The following CDH18 variants were observed in gnomAD, a reference collection of about 807,000 sequenced individuals.
CDH18 encodes cadherin-18.
CDH18 carries 31 observed loss-of-function variants against 67.9 expected under a neutral mutation model. The observed-to-expected ratio is 0.46, with a 90% CI of 0.34 to 0.62. The LOEUF is 0.62. Ranked by LOEUF, CDH18 falls within the 20% of genes least tolerant of loss-of-function variation. The pLI is 0.01. For missense variants in CDH18, 890 were observed against 975.5 expected (o/e 0.91, Z 1.17); for synonymous variants, 362 against 347.2 (o/e 1.04, Z -0.48).
intron 4 of CDH18, among the ~76,000 whole-genome samples, chr5:19,725,885 A>C (rs927566843): frequency 6.6e-6 from 1 of 152,236 alleles, no homozygotes; most frequent in Non-Finnish European, 1.5e-5. Flanking sequence ...ACAGTAGAAT[A>C]AGGACCATTA....
rs568490950 is a variant in CDH18, at chr5:20,568,801, G to A, written c.-580+6661C>T. 2.0e-4 allele frequency among the ~76,000 whole-genome samples: 30 copies of A among 152,192 alleles called. 2 individuals carry two copies. The South Asian group carries it at 6.0e-3, about 31-fold the overall frequency. On this transcript the variant is annotated intron_variant, in intron 1 of 14. Coordinates refer to the CDH18 transcript ENST00000507958. ...CATTTGTCTGTGTATTGTTTCAAGAGTCCTTCCAAAATGTAATTAGTTTGT... is the reference window on the plus strand; with the variant it reads ...CATTTGTCTGTGTATTGTTTCAAGAATCCTTCCAAAATGTAATTAGTTTGT...
rs796891496 is a variant in CDH18, at chr5:19,608,913, G to C, written c.811+3521C>G. On this transcript the variant is annotated intron_variant, in intron 6 of 12. Coordinates refer to ENST00000382275, the MANE Select transcript of CDH18 (RefSeq NM_004934.5). The stretch of plus-strand genomic sequence containing the variant: ...TTACTAGATGACTTATCTTACAAGA[G>C]CAATCCTCAATACAACAATATAATT... Among the ~76,000 whole-genome samples, 4 of 151,836 alleles carry C rather than the reference G, an allele frequency of 2.6e-5. No individual in the cohort carries two copies. In the South Asian group the frequency reaches 6.2e-4, roughly 24 times the overall value.
At chr5:19,933,247 T>A (rs1483747707) in intron 2 of CDH18, among the ~76,000 whole-genome samples, 1 of 151,452 alleles carries the variant, frequency 6.6e-6, no homozygotes, top group Admixed American at 6.6e-5. Flanking sequence ...GCCCACCTAC[T>A]TACACCTCCT....
At chr5:20,187,938 C>G (rs75789609) in intron 2 of CDH18, among the ~76,000 whole-genome samples, 528 of 151,670 alleles carry the variant, frequency 3.5e-3, no homozygotes, top group Non-Finnish European at 5.7e-3. Flanking sequence ...AATTAGAATA[C>G]AGAATTTCTA....
intron 1 of CDH18, among the ~76,000 whole-genome samples, chr5:20,500,182 C>A (rs1158395717): frequency 6.6e-6 from 1 of 152,110 alleles, no homozygotes; most frequent in Admixed American, 6.6e-5. Context: ...AAAATGCCTT[C>A]TTTTCTACAG....
intron 2 of CDH18, among the ~76,000 whole-genome samples, chr5:20,243,861 A>AG (rs1743176461): frequency 6.6e-6 from 1 of 152,110 alleles, no homozygotes; most frequent in South Asian, 2.1e-4. Context: ...CCTCCACTTC[A>AG]GTCCCACCAC....
At chr5:19,583,667 T>C (rs535169536) in intron 7 of CDH18, among the ~76,000 whole-genome samples, 1 of 152,098 alleles carries the variant, frequency 6.6e-6, no homozygotes, top group Non-Finnish European at 1.5e-5. Context: ...TATTAGATAG[T>C]AGTTATTATT....
rs575203363 is a variant in CDH18 at position 19,503,303 on chromosome 5, T to C, written c.1513-194A>G. ...GCATTAGATTTTAGGAAAAACACAG[T>C]ATATAATTTCTAAACATTCATCACA... On this transcript the variant is annotated intron_variant, in intron 10 of 12. Coordinates refer to ENST00000382275, the MANE Select transcript of CDH18 (RefSeq NM_004934.5). 3.3e-5 allele frequency among the ~76,000 whole-genome samples: 5 copies of C among 152,250 alleles called. No individual in the cohort carries two copies. The South Asian group carries it at 1.0e-3, about 32-fold the overall frequency.
At chr5:20,056,875 C>T (rs1452832137) in intron 2 of CDH18, among the ~76,000 whole-genome samples, 1 of 150,686 alleles carries the variant, frequency 6.6e-6, no homozygotes, top group African/African-American at 2.4e-5. Context: ...TTAGTGGAGA[C>T]GGGTTTTCAC....
chr5:19,862,101 T>A (rs1300798066), intron 2 of CDH18, among the ~76,000 whole-genome samples: 1 of 152,116 alleles, frequency 6.6e-6, no homozygotes, highest in Non-Finnish European at 1.5e-5. Flanking sequence ...AACAGAGCAA[T>A]GAAGAACATG....
intron 2 of CDH18, among the ~76,000 whole-genome samples, chr5:19,854,041 C>A (rs1041772586): frequency 6.6e-6 from 1 of 152,090 alleles, no homozygotes; most frequent in Non-Finnish European, 1.5e-5. Context: ...CTGGCAGTGT[C>A]CACCCAACAA....
chr5:19,654,979 C>T (rs1484531833), intron 5 of CDH18, among the ~76,000 whole-genome samples: 1 of 152,092 alleles, frequency 6.6e-6, no homozygotes, highest in Non-Finnish European at 1.5e-5. Flanking sequence ...CTCATGGAGC[C>T]TGGGGTTTGG....
intron 1 of CDH18, among the ~76,000 whole-genome samples, chr5:20,531,131 T>C (rs1223838307): frequency 6.6e-6 from 1 of 151,984 alleles, no homozygotes; most frequent in Non-Finnish European, 1.5e-5. Context: ...AACAAACATA[T>C]GAAAAATAGC....
intron 7 of CDH18, among the ~76,000 whole-genome samples, chr5:19,580,027 T>C (rs1008542828): frequency 1.3e-5 from 2 of 151,958 alleles, no homozygotes; most frequent in African/African-American, 4.8e-5. Flanking sequence ...AGTTTCATTT[T>C]ATTTTTAATG....
chr5:20,013,837 G>C (rs1737663079), intron 2 of CDH18, among the ~76,000 whole-genome samples: 1 of 151,934 alleles, frequency 6.6e-6, no homozygotes, highest in Admixed American at 6.6e-5. Flanking sequence ...CACTTTGTTT[G>C]TTCTTTTTAA....
intron 2 of CDH18, among the ~76,000 whole-genome samples, chr5:20,187,461 G>C (rs1165409280): frequency 6.6e-6 from 1 of 151,748 alleles, no homozygotes; most frequent in African/African-American, 2.4e-5. Flanking sequence ...TGTAAATTAT[G>C]AAAGGCTGAT....
chr5:20,141,165 T>C (rs922610825), intron 2 of CDH18, among the ~76,000 whole-genome samples: 14 of 152,172 alleles, frequency 9.2e-5, no homozygotes, highest in Non-Finnish European at 1.9e-4. Context: ...GTATTATACC[T>C]ACATTTAGTC....
At chr5:20,314,960 T>G (rs4132105) in intron 1 of CDH18, among the ~76,000 whole-genome samples, 5,904 of 152,170 alleles carry the variant, frequency 0.039, 288 homozygotes, top group African/African-American at 0.11. Flanking sequence ...GAACAATTAT[T>G]TACCTAAAAT....
In CDH18 at chr5:19,731,629, G is replaced by C. The variant is rs117799190; in HGVS notation, c.524-10163C>G. ...AAAACTTGAATTACTCAGCATATTA[G>C]AACCTGACAAATACATATATACAGA... On this transcript the variant is annotated intron_variant, in intron 4 of 12. Transcript: ENST00000382275. Among the ~76,000 whole-genome samples the C allele has an allele frequency of 7.2e-5, 11 of 152,286 alleles. 1 individual carries two copies. In the East Asian group the frequency reaches 1.2e-3, roughly 16 times the overall value.
Sources: allele counts gnomAD v4.1 joint callset (sites outside exome capture counted in the v4.1 genomes callset), GRCh38; gene constraint gnomAD v4.1.1; transcripts MANE v1.5; gene names NCBI Gene and HGNC (gene_info 2026-07-23, HGNC 2026-07-21).